The following HSPBAP1 variants were observed in gnomAD, a reference collection of about 807,000 sequenced individuals.
HSPBAP1 encodes the protein HSPB1 associated protein 1, also known as HSPB1-associated protein 1.
In HSPBAP1, 27 loss-of-function variants were observed where a neutral mutation model predicts 45.2. The observed-to-expected ratio is 0.60, with a 90% CI of 0.44 to 0.82. HSPBAP1 has a LOEUF of 0.82. Among genes scored for constraint, HSPBAP1 ranks in the 40% least tolerant of loss-of-function variants. The pLI is 0.00. For missense variants in HSPBAP1, 510 were observed against 590.9 expected (o/e 0.86, Z 1.42); for synonymous variants, 204 against 202.7 (o/e 1.01, Z -0.06).
rs376849663 is a variant in HSPBAP1 at position 122,793,608 on chromosome 3, G to C, written c.64+9C>G. 6.0e-5 allele frequency: 96 copies of C among 1,613,308 alleles called. No homozygotes were observed. Among genetic ancestry groups the C allele is most frequent in the Non-Finnish European group, 8.1e-5 (96 of 1,179,668 alleles). ...TGTACTCAGGGTCGGACCTCAGCCT[G>C]GCACCTACCTTCCTCCCCTCCAGCC... On this transcript the variant is annotated intron_variant, in intron 1 of 7. Coordinates refer to ENST00000306103, the MANE Select transcript of HSPBAP1 (RefSeq NM_024610.6).
At chr3:122,790,008 G>A (rs1480409836) in intron 1 of HSPBAP1, among the ~76,000 whole-genome samples, 4 of 151,956 alleles carry the variant, frequency 2.6e-5, no homozygotes, top group Non-Finnish European at 5.9e-5. Context: ...AACTACAAGC[G>A]TGTGCCACCA....
intron 1 of HSPBAP1, among the ~76,000 whole-genome samples, chr3:122,782,471 A>G (rs79829027): frequency 0.054 from 8,235 of 152,276 alleles, 287 homozygotes; most frequent in Middle Eastern, 0.11. Flanking sequence ...TTAAAAAACA[A>G]GCAAGTTTCT....
chr3:122,743,154 T>C lies in HSPBAP1; in HGVS notation c.826-2041A>G, dbSNP rs868245107. ...ATCAGTATTTCATTCCTTGTGATAG[T>C]TGAAAAACATTCCATTGTACACATA... On this transcript the variant is annotated intron_variant, in intron 6 of 7. Coordinates refer to ENST00000306103, the MANE Select transcript of HSPBAP1 (RefSeq NM_024610.6). Among the ~76,000 whole-genome samples, 61 of 152,240 alleles carry C rather than the reference T, an allele frequency of 4.0e-4. 1 individual carries two copies. Among genetic ancestry groups the C allele is most frequent in the African/African-American group, 1.4e-3 (58 of 41,460 alleles).
intron 2 of HSPBAP1, among the ~76,000 whole-genome samples, chr3:122,776,793 G>T (rs1218998855): frequency 3.3e-5 from 5 of 152,140 alleles, no homozygotes; most frequent in Admixed American, 3.3e-4. Flanking sequence ...GAGTACAAAG[G>T]GGTTCCAGAC....
chr3:122,741,157 G>A lies in HSPBAP1; in HGVS notation c.826-44C>T, dbSNP rs748672346. 3 of 1,343,540 alleles carry A rather than the reference G, an allele frequency of 2.2e-6. No homozygotes were observed. The Admixed American group carries it at 5.1e-5, about 23-fold the overall frequency. 83.2% of individuals were successfully genotyped at this position (1,343,540 alleles called of 1,614,324 possible). A position where few individuals can be genotyped will look rare whatever the true frequency, so the allele number is the denominator to read the frequency against. On this transcript the variant is annotated intron_variant, in intron 6 of 7. Coordinates refer to ENST00000306103, the MANE Select transcript of HSPBAP1 (RefSeq NM_024610.6). ...CTTTTAACTTCTGTTAAGTCTCATG[G>A]CTTTTTAAGAGATAATAAAGTCTGT... is the stretch of plus-strand genomic sequence containing the variant.
Position 122,755,437 on chromosome 3 carries a change from T to TAAAAAAA in HSPBAP1, c.570-13_570-7dup. The TAAAAAAA allele has an allele frequency of 2.2e-5, 26 of 1,184,338 alleles. No individual in the cohort carries two copies. Among genetic ancestry groups the TAAAAAAA allele is most frequent in the South Asian group, 4.3e-5 (2 of 46,344 alleles). The allele number at this position is 1,184,338 out of a possible 1,614,324, so 73.4% of individuals were successfully genotyped here. ...GAAAGAGATGCCATCGTTTCCTAAT[T>TAAAAAAA]AAAAAAAAAAAAAAAAGATACAAGT... On this transcript the variant is annotated splice_polypyrimidine_tract_variant and splice_region_variant and intron_variant, in intron 4 of 7. Coordinates refer to ENST00000306103, the MANE Select transcript of HSPBAP1 (RefSeq NM_024610.6).
intron 1 of HSPBAP1, among the ~76,000 whole-genome samples, chr3:122,785,207 T>C (rs1023371185): frequency 2.0e-5 from 3 of 152,188 alleles, no homozygotes; most frequent in African/African-American, 7.2e-5. Flanking sequence ...GAGAGAGGAA[T>C]GTTTTGAGGA....
chr3:122,746,998 C>G (rs1359614026), intron 6 of HSPBAP1, among the ~76,000 whole-genome samples: 2 of 151,656 alleles, frequency 1.3e-5, no homozygotes, highest in Non-Finnish European at 2.9e-5. Flanking sequence ...GATCTCGGCT[C>G]GCTACAACCT....
At position 122,740,440 on chromosome 3, in the gene HSPBAP1, T is replaced by C; in HGVS notation, c.1372A>G (p.Thr458Ala). The change falls in exon 8 of 8, where the codon ACA becomes GCA. Residue 458 changes from threonine (T) to alanine (A), a missense_variant. By Grantham distance (58) the Thr-to-Ala change is moderately conservative (BLOSUM62 0). Coordinates refer to ENST00000306103, the MANE Select transcript of HSPBAP1 (RefSeq NM_024610.6). ...IASNTTTTPQ[T>A]FISTDDLLDC... ...AGCAAGTCATCCGTAGAAATGAATG[T>C]TTGAGGAGTCGTAGTAGTATTTGAG... is the stretch of plus-strand genomic sequence containing the variant. 1 of 1,593,448 alleles carries C rather than the reference T, an allele frequency of 6.3e-7. No homozygotes were observed. The highest frequency in any genetic ancestry group is 1.1e-5 in the South Asian group (1 of 90,730).
chr3:122,755,948 A>G (rs1934340394), intron 4 of HSPBAP1, among the ~76,000 whole-genome samples: 1 of 152,202 alleles, frequency 6.6e-6, no homozygotes, highest in African/African-American at 2.4e-5. Context: ...GTGGACATGC[A>G]CAAATAATGC....
chr3:122,789,864 C>CTTCT (rs1553758175), intron 1 of HSPBAP1, among the ~76,000 whole-genome samples: 1 of 137,172 alleles, frequency 7.3e-6, no homozygotes, highest in African/African-American at 2.7e-5. Context: ...GCCAAAGCTT[C>CTTCT]TTTTTTTTTT....
chr3:122,740,550 T>A lies in HSPBAP1; in HGVS notation c.1262A>T (p.Asp421Val). The A allele has an allele frequency of 1.9e-6, 3 of 1,614,216 alleles. 1 individual carries two copies. In the South Asian group the frequency reaches 3.3e-5, roughly 18 times the overall value. ...GSDGKDFVDKDGEHFGKLHCA... is the reference protein window; with the variant it reads ...GSDGKDFVDKVGEHFGKLHCA... ...ATGCAATTTTCCAAAGTGTTCTCCA[T>A]CCTTGTCCACAAAGTCTTTCCCATC... Residue 421 changes from aspartate (D) to valine (V), a missense_variant, in exon 8 of 8, where the codon GAT (aspartate) becomes GTT (valine). By Grantham distance (152) the Asp-to-Val change is radical (BLOSUM62 -3). Transcript: ENST00000306103.
intron 2 of HSPBAP1, 37 bp from the exon 3 acceptor site, chr3:122,768,919 G>A (rs757963504): frequency 2.9e-5 from 36 of 1,236,312 alleles, no homozygotes; most frequent in Non-Finnish European, 4.0e-5. Flanking sequence ...AATGTATAAT[G>A]AACACATTTC....
At chr3:122,762,453 T>TA (rs1291405352) in intron 3 of HSPBAP1, among the ~76,000 whole-genome samples, 58 of 152,234 alleles carry the variant, frequency 3.8e-4, no homozygotes, top group African/African-American at 1.4e-3. Context: ...ATCATACCAT[T>TA]AATGCACTGT....
intron 5 of HSPBAP1, chr3:122,754,983 A>G: frequency 9.1e-7 from 1 of 1,103,692 alleles, no homozygotes; most frequent in Non-Finnish European, 1.1e-6. Flanking sequence ...AATGAAAATG[A>G]CTCTTGTAGA....
chr3:122,788,256 C>T (rs897790219), intron 1 of HSPBAP1, among the ~76,000 whole-genome samples: 5 of 152,018 alleles, frequency 3.3e-5, no homozygotes, highest in African/African-American at 4.8e-5. Flanking sequence ...AAAAGTAATA[C>T]TAGTCTCAAA....
intron 6 of HSPBAP1, among the ~76,000 whole-genome samples, chr3:122,743,945 T>C (rs569189712): frequency 1.3e-5 from 2 of 151,316 alleles, no homozygotes; most frequent in South Asian, 4.2e-4. Context: ...GCCAAGAGTT[T>C]GACGCTGCAG....
At chr3:122,744,366 T>C (rs1933774778) in intron 6 of HSPBAP1, among the ~76,000 whole-genome samples, 1 of 152,218 alleles carries the variant, frequency 6.6e-6, no homozygotes, top group Non-Finnish European at 1.5e-5. Flanking sequence ...TGGGGTTAAC[T>C]TGAGTTATAT....
At chr3:122,779,828 G>C (rs940654858) in intron 1 of HSPBAP1, among the ~76,000 whole-genome samples, 6 of 152,136 alleles carry the variant, frequency 3.9e-5, no homozygotes, top group Non-Finnish European at 7.4e-5. Context: ...TTGGGGGTAA[G>C]GTCACAGATC....
Sources: allele counts gnomAD v4.1 joint callset (sites outside exome capture counted in the v4.1 genomes callset), GRCh38; gene constraint gnomAD v4.1.1; transcripts MANE v1.5; gene names NCBI Gene and HGNC (gene_info 2026-07-23, HGNC 2026-07-21).